GRAMD1B: variants seen among roughly 807,000 people sequenced by gnomAD.
GRAMD1B encodes the protein protein Aster-B.
Under a neutral mutation model 99.7 loss-of-function variants are expected in GRAMD1B, and 37 were observed. The ratio of observed to expected loss-of-function variants is 0.37; its 90% CI spans 0.29 to 0.49. GRAMD1B has a LOEUF of 0.49. Among genes scored for constraint, GRAMD1B ranks in the 20% least tolerant of loss-of-function variants. GRAMD1B has a pLI of 0.98. For missense variants in GRAMD1B, 888 were observed against 1,009.2 expected (o/e 0.88, Z 1.63); for synonymous variants, 427 against 387.6 (o/e 1.10, Z -1.19).
intron 1 of GRAMD1B, among the ~76,000 whole-genome samples, chr11:123,388,400 C>A (rs76578664): frequency 6.7e-6 from 1 of 150,138 alleles, no homozygotes; most frequent in South Asian, 2.1e-4. Context: ...GAGCTGGGTG[C>A]GGTGGCTCAC....
At chr11:123,563,503 TTTC>T (rs1300810881) in intron 2 of GRAMD1B, among the ~76,000 whole-genome samples, 2 of 151,622 alleles carry the variant, frequency 1.3e-5, no homozygotes, top group Admixed American at 1.3e-4. Flanking sequence ...CAGAGGGTTT[TTTC>T]TTTTTTTTTT....
rs1173255259 is a variant in GRAMD1B at position 123,626,553 on chromosome 11, A to G, written c.*3958A>G. The G allele has an allele frequency of 6.6e-6, 1 of 152,074 alleles. No homozygotes were observed. Among genetic ancestry groups the G allele is most frequent in the Non-Finnish European group, 1.5e-5 (1 of 68,040 alleles). The allele number at this position is 152,074 out of a possible 1,614,324, so 9.4% of individuals were successfully genotyped here. On this transcript the variant is annotated 3_prime_UTR_variant, in exon 20 of 20. Transcript: ENST00000635736. ...CAGCCAAAGCCAGCCCTTTTCTCCT[A>G]CTGCCCCCAGGAGAAATAGCACTCT...
intron 7 of GRAMD1B, 137 bp from the exon 8 acceptor site, chr11:123,600,331 C>G: frequency 1.7e-6 from 1 of 589,474 alleles, no homozygotes; most frequent in Non-Finnish European, 3.0e-6. Flanking sequence ...AGCGGATGTA[C>G]GTGATCACAG....
At chr11:123,609,105 A>T (rs1953165895) in intron 12 of GRAMD1B, among the ~76,000 whole-genome samples, 1 of 152,018 alleles carries the variant, frequency 6.6e-6, no homozygotes, top group Non-Finnish European at 1.5e-5. Context: ...CTAGTAAAGC[A>T]CAGTGGCTCT....
At chr11:123,425,802 T>C (rs1314039105), upstream of GRAMD1B, among the ~76,000 whole-genome samples, 1 of 152,162 alleles carries the variant, frequency 6.6e-6, no homozygotes, top group Admixed American at 6.5e-5. Context: ...CCACACTGCT[T>C]CTCTAACCAC....
rs564776195 is a variant in GRAMD1B at position 123,581,531 on chromosome 11, C to A, written c.664-2781C>A. 2.6e-5 allele frequency among the ~76,000 whole-genome samples: 4 copies of A among 152,288 alleles called. No individual in the cohort carries two copies. The South Asian group carries it at 8.3e-4, about 32-fold the overall frequency. ...TGTGCCTCTGGGCAGAGTTCAGGGA[C>A]CCCTGCCCACAGTGGACAGGCTCGG... On this transcript the variant is annotated intron_variant, in intron 3 of 19. Transcript: ENST00000635736.
intron 2 of GRAMD1B, among the ~76,000 whole-genome samples, chr11:123,528,827 A>G (rs1943063652): frequency 1.3e-5 from 2 of 152,166 alleles, no homozygotes; most frequent in South Asian, 4.1e-4. Context: ...TTTCAGAGGT[A>G]GGGAAATGGA....
chr11:123,516,307 T>A (rs960702039), intron 2 of GRAMD1B, among the ~76,000 whole-genome samples: 3 of 152,202 alleles, frequency 2.0e-5, no homozygotes, highest in African/African-American at 7.2e-5. Flanking sequence ...GTTGTGATGC[T>A]GAGAGAAGGT....
chr11:123,571,064 A>G (rs1948022071), intron 2 of GRAMD1B, among the ~76,000 whole-genome samples: 1 of 152,212 alleles, frequency 6.6e-6, no homozygotes, highest in Non-Finnish European at 1.5e-5. Context: ...CTGCAGTCCA[A>G]GCAGGTGGAG....
intron 18 of GRAMD1B, 125 bp from the exon 19 acceptor site, chr11:123,618,982 C>CG (rs1565477358): frequency 1.5e-6 from 1 of 687,610 alleles, no homozygotes. Flanking sequence ...ACAGGGGAAC[C>CG]GGGGGCAGTG....
At chr11:123,583,705 G>A (rs923728772) in intron 3 of GRAMD1B, among the ~76,000 whole-genome samples, 2 of 152,050 alleles carry the variant, frequency 1.3e-5, no homozygotes, top group Non-Finnish European at 2.9e-5. Flanking sequence ...GCACCACTGG[G>A]TTGGAATGGA....
intron 1 of GRAMD1B, among the ~76,000 whole-genome samples, chr11:123,365,719 CAGAGAA>C (rs1426975595): frequency 5.3e-5 from 8 of 152,302 alleles, no homozygotes; most frequent in African/African-American, 1.7e-4. Context: ...GAATTCAGAA[CAGAGAA>C]ATAGCCTATA....
intron 1 of GRAMD1B, among the ~76,000 whole-genome samples, chr11:123,371,030 T>A (rs1208923325): frequency 6.7e-6 from 1 of 148,528 alleles, no homozygotes; most frequent in African/African-American, 2.5e-5. Flanking sequence ...AGGAATTGAA[T>A]GAGAAATGTC....
rs1950149538 is a variant in GRAMD1B, at chr11:123,587,044, G to C, written c.684+2712G>C. Among the ~76,000 whole-genome samples, 2 of 152,206 alleles carry C rather than the reference G, an allele frequency of 1.3e-5. No individual in the cohort carries two copies. On this transcript the variant is annotated intron_variant, in intron 4 of 19. Coordinates refer to ENST00000635736, the MANE Select transcript of GRAMD1B (RefSeq NM_001387025.1). This position sits in a 1 kb window ranked among gnomAD's most constrained non-coding sequence, Gnocchi z 4.2. ...GTGGCAAGAGCATTCAGGCCCACTG[G>C]AGCAGCCTGGGTCTGGTGGGAAAAG... is the stretch of plus-strand genomic sequence containing the variant.
chr11:123,613,716 C>A, intron 16 of GRAMD1B, 58 bp downstream of exon 16: 3 of 1,315,272 alleles, frequency 2.3e-6, no homozygotes, highest in Non-Finnish European at 3.3e-6. Flanking sequence ...AGCTGCATGC[C>A]CACACCAAGG....
chr11:123,594,850 G>A lies in GRAMD1B; in HGVS notation c.873+12G>A, dbSNP rs1565433847. ...GCTGGGAAACTCTGGTAAAGACCTG[G>A]GCATGCTCCCTTGGGCTGTCTCCTT... On this transcript the variant is annotated intron_variant, in intron 6 of 19. Coordinates refer to ENST00000635736, the MANE Select transcript of GRAMD1B (RefSeq NM_001387025.1). The A allele has an allele frequency of 7.0e-7, 1 of 1,420,326 alleles. No individual in the cohort carries two copies. 88.0% of individuals were successfully genotyped at this position (1,420,326 alleles called of 1,614,324 possible).
chr11:123,498,497 C>G (rs1303378161), intron 2 of GRAMD1B, among the ~76,000 whole-genome samples: 3 of 152,218 alleles, frequency 2.0e-5, no homozygotes, highest in Non-Finnish European at 2.9e-5. Context: ...GAAATTAAAA[C>G]CAGTTACGGT....
chr11:123,534,960 G>T (rs551768339), intron 2 of GRAMD1B, among the ~76,000 whole-genome samples: 1 of 152,314 alleles, frequency 6.6e-6, no homozygotes, highest in East Asian at 1.9e-4. Context: ...GGAGGGAGCT[G>T]AGCAGCCTGG....
At chr11:123,531,923 G>C (rs1203286249) in intron 2 of GRAMD1B, among the ~76,000 whole-genome samples, 1 of 151,860 alleles carries the variant, frequency 6.6e-6, no homozygotes, top group Non-Finnish European at 1.5e-5. Flanking sequence ...TTTTAGTAGA[G>C]ACAGGGTTTC....
Sources: allele counts gnomAD v4.1 joint callset (sites outside exome capture counted in the v4.1 genomes callset), GRCh38; gene constraint gnomAD v4.1.1; non-coding constraint Gnocchi (gnomAD v3.1); transcripts MANE v1.5; gene names NCBI Gene and HGNC (gene_info 2026-07-23, HGNC 2026-07-21).